EXOC6B: variants seen among roughly 807,000 people sequenced by gnomAD.
EXOC6B encodes the protein SEC15 homolog B.
EXOC6B carries 54 observed loss-of-function variants against 113.5 expected under a neutral mutation model. The ratio of observed to expected loss-of-function variants is 0.48; its 90% CI spans 0.38 to 0.60. The LOEUF is 0.60. EXOC6B is among the 20% of genes least tolerant of loss of function. The probability of loss-of-function intolerance (pLI) is 0.00; values close to 1 mark genes in which losing one functional copy is unlikely to be tolerated. For synonymous variants in EXOC6B, 357 were observed against 339.0 expected (o/e 1.05, Z -0.58); for missense variants, 797 against 977.5 (o/e 0.82, Z 2.46).
At chr2:72,471,474 C>T (rs1163016794) in intron 17 of EXOC6B, among the ~76,000 whole-genome samples, 1 of 152,078 alleles carries the variant, frequency 6.6e-6, no homozygotes, top group Non-Finnish European at 1.5e-5. Flanking sequence ...TTAATGAGAT[C>T]CCATTTGTCA....
intron 5 of EXOC6B, among the ~76,000 whole-genome samples, chr2:72,730,620 A>ACACG (rs1491329474): frequency 7.1e-6 from 1 of 140,590 alleles, no homozygotes; most frequent in African/African-American, 2.5e-5. Context: ...ACACACACAC[A>ACACG]CGCTATTGGT....
At chr2:72,462,842 A>G (rs976207467) in intron 18 of EXOC6B, 2 of 152,190 alleles carry the variant, frequency 1.3e-5, no homozygotes, top group South Asian at 2.1e-4. Flanking sequence ...GTTGGTGAGA[A>G]GCATCTTCAC....
At chr2:72,284,648 TA>T (rs1685316107) in intron 20 of EXOC6B, among the ~76,000 whole-genome samples, 1 of 151,884 alleles carries the variant, frequency 6.6e-6, no homozygotes. Context: ...AAAAAGGAAA[TA>T]AAAGGCATAC....
intron 18 of EXOC6B, among the ~76,000 whole-genome samples, chr2:72,439,130 A>T (rs1000119734): frequency 1.3e-5 from 2 of 152,174 alleles, no homozygotes; most frequent in Non-Finnish European, 2.9e-5. Context: ...ATCTCACAGG[A>T]TTCTTAAAGA....
intron 18 of EXOC6B, among the ~76,000 whole-genome samples, chr2:72,433,871 T>C (rs1262277218): frequency 6.6e-6 from 1 of 151,992 alleles, no homozygotes; most frequent in Admixed American, 6.6e-5. Context: ...TGACTTCCTC[T>C]CTTCCTATTT....
intron 18 of EXOC6B, among the ~76,000 whole-genome samples, chr2:72,430,726 A>G (rs940197290): frequency 1.3e-5 from 2 of 152,236 alleles, no homozygotes; most frequent in Non-Finnish European, 1.5e-5. Flanking sequence ...CACTTAAGAT[A>G]TCATTTCACT....
rs140823269 is a variant in EXOC6B at position 72,402,965 on chromosome 2, C to T, written c.1981-23095G>A. 4.9e-3 allele frequency among the ~76,000 whole-genome samples: 744 copies of T among 152,000 alleles called. 9 individuals carry two copies. Among genetic ancestry groups the T allele is most frequent in the African/African-American group, 0.017 (690 of 41,458 alleles). On this transcript the variant is annotated intron_variant, in intron 18 of 21. Transcript: ENST00000272427. ...CAGGAGCAACAACAAAAAACAAACC[C>T]AATAAAAATTTTAAAAACCAAGACC...
rs143219904 is a variant in EXOC6B at position 72,646,951 on chromosome 2, G to A, written c.669+71152C>T. On this transcript the variant is annotated intron_variant, in intron 6 of 21. Transcript: ENST00000272427. Reference sequence around the variant, plus strand: ...ACATAATGTTGGAAGTTCTGGCCAGGGCATTCAGGCAAGAGAAAGAATTAA... The same window carrying A: ...ACATAATGTTGGAAGTTCTGGCCAGAGCATTCAGGCAAGAGAAAGAATTAA... 3.5e-3 allele frequency among the ~76,000 whole-genome samples: 526 copies of A among 152,186 alleles called. 1 individual carries two copies. Among genetic ancestry groups the A allele is most frequent in the Admixed American group, 5.6e-3 (86 of 15,280 alleles).
chr2:72,185,351 G>A (rs1262797119), intron 20 of EXOC6B, among the ~76,000 whole-genome samples: 1 of 152,274 alleles, frequency 6.6e-6, no homozygotes, highest in African/African-American at 2.4e-5. Context: ...TGTCTTCACT[G>A]TGCAGCTGGG....
At chr2:72,576,719 C>G (rs994649398) in intron 6 of EXOC6B, among the ~76,000 whole-genome samples, 3 of 152,062 alleles carry the variant, frequency 2.0e-5, no homozygotes, top group African/African-American at 7.2e-5. Context: ...AGAATAAAAG[C>G]TGGGAGAAGT....
At chr2:72,185,891 C>G (rs1320500133) in intron 20 of EXOC6B, among the ~76,000 whole-genome samples, 1 of 151,926 alleles carries the variant, frequency 6.6e-6, no homozygotes, top group Non-Finnish European at 1.5e-5. Flanking sequence ...ATCCCTCCCC[C>G]TCCCCCCAAC....
At chr2:72,630,826 A>G (rs1252547803) in intron 6 of EXOC6B, among the ~76,000 whole-genome samples, 1 of 152,134 alleles carries the variant, frequency 6.6e-6, no homozygotes, top group Non-Finnish European at 1.5e-5. Flanking sequence ...AAATCATACT[A>G]ACTGTATTTG....
chr2:72,272,892 T>G (rs906931176), intron 20 of EXOC6B, among the ~76,000 whole-genome samples: 11 of 152,170 alleles, frequency 7.2e-5, no homozygotes, highest in Non-Finnish European at 1.0e-4. Flanking sequence ...TTCCCTCCTA[T>G]TAAGTTTAGG....
At chr2:72,286,662 A>T (rs2104692733) in intron 20 of EXOC6B, among the ~76,000 whole-genome samples, 1 of 152,294 alleles carries the variant, frequency 6.6e-6, no homozygotes, top group Admixed American at 6.5e-5. Context: ...TGATAATGAT[A>T]TGTCAGTGTA....
At chr2:72,782,805 A>G (rs1029274391) in intron 1 of EXOC6B, among the ~76,000 whole-genome samples, 1 of 152,106 alleles carries the variant, frequency 6.6e-6, no homozygotes, top group Non-Finnish European at 1.5e-5. Context: ...GGCTTAATTC[A>G]CTCAACAAAA....
At chr2:72,533,799 A>T (rs1434614417) in intron 8 of EXOC6B, among the ~76,000 whole-genome samples, 1 of 152,164 alleles carries the variant, frequency 6.6e-6, no homozygotes, top group East Asian at 1.9e-4. Context: ...TTTATTTTTT[A>T]ATAGTACCTT....
At chr2:72,708,876 TG>T (rs1281634102) in intron 6 of EXOC6B, among the ~76,000 whole-genome samples, 1 of 150,646 alleles carries the variant, frequency 6.6e-6, no homozygotes, top group Non-Finnish European at 1.5e-5. Flanking sequence ...GTTACAGGCT[TG>T]TGCCACCACA....
intron 11 of EXOC6B, among the ~76,000 whole-genome samples, chr2:72,505,953 T>C (rs907027253): frequency 5.3e-5 from 8 of 152,158 alleles, no homozygotes; most frequent in Admixed American, 3.3e-4. Flanking sequence ...CTTTGTAATA[T>C]TGAACTAAGC....
intron 1 of EXOC6B, among the ~76,000 whole-genome samples, chr2:72,771,286 T>C (rs1683391302): frequency 6.6e-6 from 1 of 152,232 alleles, no homozygotes; most frequent in African/African-American, 2.4e-5. Flanking sequence ...ACAGAACTCT[T>C]GTATAGCCTT....
Sources: gnomAD v4.1 joint callset for allele counts (sites outside exome capture counted in the v4.1 genomes callset) on GRCh38, gnomAD v4.1.1 for gene constraint, MANE v1.5 for transcripts, NCBI Gene and HGNC (gene_info 2026-07-23, HGNC 2026-07-21) for gene names.